Variants in RERE observed in about 807,000 individuals in gnomAD.
The protein encoded by RERE is arginine-glutamic acid dipeptide repeats protein.
In RERE, 40 loss-of-function variants were observed where a neutral mutation model predicts 146.1. That is an observed-to-expected ratio of 0.27 (90% confidence interval 0.21 to 0.36). The LOEUF (loss-of-function observed/expected upper bound fraction) is 0.36, where lower values mean the gene tolerates loss of function less well. Among genes scored for constraint, RERE ranks in the 10% least tolerant of loss-of-function variants. RERE has a pLI of 1.00. For synonymous variants in RERE, 1,003 were observed against 866.0 expected (o/e 1.16, Z -2.78); for missense variants, 1,933 against 2,138.7 (o/e 0.90, Z 1.90).
intron 1 of RERE, among the ~76,000 whole-genome samples, chr1:8,708,300 TTTTTTG>T (rs886146803): frequency 2.8e-4 from 42 of 152,200 alleles, no homozygotes; most frequent in South Asian, 1.5e-3. Flanking sequence ...TGATGGTTGC[TTTTTTG>T]TTTTTGTTTT....
chr1:8,395,869 TGA>T (rs1259858372), intron 12 of RERE, among the ~76,000 whole-genome samples: 3 of 152,062 alleles, frequency 2.0e-5, no homozygotes, highest in Admixed American at 6.6e-5. Flanking sequence ...AATTAGCCAG[TGA>T]GAGTGCCCAA....
chr1:8,639,526 C>T (rs977431042), intron 2 of RERE, among the ~76,000 whole-genome samples: 4 of 152,304 alleles, frequency 2.6e-5, no homozygotes, highest in African/African-American at 9.6e-5. Flanking sequence ...AACTGGAAAT[C>T]AAGTCTCCAT....
chr1:8,523,376 T>C (rs528079501), intron 7 of RERE, among the ~76,000 whole-genome samples: 2 of 152,242 alleles, frequency 1.3e-5, no homozygotes, highest in Non-Finnish European at 2.9e-5. Context: ...ATATTAACTT[T>C]GTGAACTTCT....
At position 8,423,501 on chromosome 1, in the gene RERE, A is replaced by T. The variant is rs1643946740; in HGVS notation, c.1204-694T>A. 2.1e-6 allele frequency: 2 copies of T among 974,128 alleles called. No individual in the cohort carries two copies. The highest frequency in any genetic ancestry group is 2.4e-6 in the Non-Finnish European group (2 of 819,852). The allele number at this position is 974,128 out of a possible 1,614,324, so 60.3% of individuals were successfully genotyped here. A position where few individuals can be genotyped will look rare whatever the true frequency, so the allele number is the denominator to read the frequency against. On this transcript the variant is annotated intron_variant, in intron 11 of 22. Transcript: ENST00000400908. The surrounding 1 kb of genome is among the most constrained non-coding windows in gnomAD (Gnocchi z 5.4). ...AGCCCGGAGACTTTCACTTTGTCCC[A>T]TGCCTCCCGAGCACCCCTCCCCGCC...
chr1:8,705,570 T>C (rs1326949683), intron 1 of RERE, among the ~76,000 whole-genome samples: 2 of 152,202 alleles, frequency 1.3e-5, no homozygotes, highest in African/African-American at 2.4e-5. Context: ...CTTCACAGCA[T>C]TGATCTCCGT....
At chr1:8,378,121 A>G (rs1487858520) in intron 12 of RERE, among the ~76,000 whole-genome samples, 2 of 152,242 alleles carry the variant, frequency 1.3e-5, no homozygotes, top group East Asian at 3.8e-4. Context: ...TTCTCACTGC[A>G]TTACCTTTAA....
intron 1 of RERE, among the ~76,000 whole-genome samples, chr1:8,667,536 G>A (rs1419762304): frequency 1.3e-5 from 2 of 152,292 alleles, no homozygotes; most frequent in African/African-American, 4.8e-5. Context: ...AATTAGCTGG[G>A]CATGGTGGCA....
At chr1:8,618,253 C>T (rs535147366) in intron 3 of RERE, among the ~76,000 whole-genome samples, 1 of 152,256 alleles carries the variant, frequency 6.6e-6, no homozygotes, top group South Asian at 2.1e-4. Context: ...ACCTTTTAAT[C>T]TAAAAACAAT....
chr1:8,617,924 ACACTGCAGGCTAAC>A (rs1358488959), intron 3 of RERE, among the ~76,000 whole-genome samples: 2 of 152,258 alleles, frequency 1.3e-5, no homozygotes, highest in Non-Finnish European at 2.9e-5. Context: ...TATACATTAC[ACACTGCAGGCTAAC>A]CAAAGGTAAT....
rs763835328 is a variant in RERE at position 8,512,014 on chromosome 1, C to CTTTTTTTTTTTTTTTTTTTTTTTTTTT, written c.831-3366_831-3340dup. The CTTTTTTTTTTTTTTTTTTTTTTTTTTT allele has an allele frequency of 1.5e-4, 6 of 38,922 alleles. 2 individuals are homozygous for CTTTTTTTTTTTTTTTTTTTTTTTTTTT. Among genetic ancestry groups the CTTTTTTTTTTTTTTTTTTTTTTTTTTT allele is most frequent in the Non-Finnish European group, 2.4e-4 (5 of 20,740 alleles). 2.4% of individuals were successfully genotyped at this position (38,922 alleles called of 1,614,324 possible). On this transcript the variant is annotated intron_variant, in intron 7 of 22. Transcript: ENST00000400908. Reference sequence around the variant, plus strand: ...GTATCAACAGCTTGTAGGAAACACTCTTTTTTTTTTTTTTTTTTTTTTTTT... The same window carrying CTTTTTTTTTTTTTTTTTTTTTTTTTTT: ...GTATCAACAGCTTGTAGGAAACACTCTTTTTTTTTTTTTTTTTTTTTTTTTTTTTTTTTTTTTTTTTTTTTTTTTTTT...
intron 1 of RERE, among the ~76,000 whole-genome samples, chr1:8,685,182 T>G (rs982508294): frequency 1.4e-4 from 21 of 152,160 alleles, no homozygotes; most frequent in Admixed American, 2.0e-4. Flanking sequence ...AAAGAACTAA[T>G]TTGATGCTTC....
chr1:8,587,857 C>G (rs958388568), intron 4 of RERE, among the ~76,000 whole-genome samples: 3 of 152,204 alleles, frequency 2.0e-5, no homozygotes, highest in Non-Finnish European at 4.4e-5. Flanking sequence ...CTTAAAAGCT[C>G]GTACTTTGAC....
At chr1:8,713,541 C>A (rs1639709177) in intron 1 of RERE, among the ~76,000 whole-genome samples, 1 of 151,970 alleles carries the variant, frequency 6.6e-6, no homozygotes. Flanking sequence ...CAAGACCAGC[C>A]TCGCCAACAC....
chr1:8,501,042 G>GGC (rs1557660948), intron 8 of RERE, among the ~76,000 whole-genome samples: 1 of 138,142 alleles, frequency 7.2e-6, no homozygotes, highest in African/African-American at 3.0e-5. Flanking sequence ...GGGGGGGGGG[G>GGC]GGTCAGCCCC....
intron 1 of RERE, among the ~76,000 whole-genome samples, chr1:8,712,510 A>G (rs927687003): frequency 2.0e-5 from 3 of 152,242 alleles, no homozygotes; most frequent in African/African-American, 4.8e-5. Context: ...AATGTAAAGC[A>G]TGTTCATTCT....
In RERE at chr1:8,358,185, G is replaced by A. The variant is rs1392611096; in HGVS notation, c.4339+11C>T. Reference sequence around the variant, plus strand: ...GTGCCTCTGTCCCACCTGCCACGCTGGGGCACGCACCTTGGTGGAGGGGGT... The same window carrying A: ...GTGCCTCTGTCCCACCTGCCACGCTAGGGCACGCACCTTGGTGGAGGGGGT... On this transcript the variant is annotated intron_variant, in intron 20 of 22. Transcript: ENST00000400908. 1 of 1,579,012 alleles carries A rather than the reference G, an allele frequency of 6.3e-7. No homozygotes were observed. Among genetic ancestry groups the A allele is most frequent in the Non-Finnish European group, 8.7e-7 (1 of 1,155,168 alleles).
chr1:8,520,010 C>T (rs1238359783), intron 7 of RERE, among the ~76,000 whole-genome samples: 1 of 152,086 alleles, frequency 6.6e-6, no homozygotes, highest in African/African-American at 2.4e-5. Context: ...TTAACTTAAA[C>T]GTAGGTTTGA....
At chr1:8,461,326 T>C (rs752569918) in intron 11 of RERE, among the ~76,000 whole-genome samples, 5 of 152,160 alleles carry the variant, frequency 3.3e-5, no homozygotes, top group Non-Finnish European at 7.3e-5. Context: ...ATATGTGAAA[T>C]TGATTAACCA....
At chr1:8,372,467 G>C (rs375179125) in intron 12 of RERE, among the ~76,000 whole-genome samples, 4 of 149,576 alleles carry the variant, frequency 2.7e-5, no homozygotes. Context: ...TCCCACACAC[G>C]GTATCCAGGG....
Sources: allele counts gnomAD v4.1 joint callset (sites outside exome capture counted in the v4.1 genomes callset), GRCh38; gene constraint gnomAD v4.1.1; non-coding constraint Gnocchi (gnomAD v3.1); transcripts MANE v1.5; gene names NCBI Gene and HGNC (gene_info 2026-07-23, HGNC 2026-07-21).